Variants in TMEM114 observed in about 807,000 individuals in gnomAD.
TMEM114 encodes claudin-26.
TMEM114 carries 6 observed loss-of-function variants against 6.2 expected under a neutral mutation model. The observed-to-expected ratio is 0.97, with a 90% CI of 0.53 to 1.91. The LOEUF (loss-of-function observed/expected upper bound fraction) is 1.91. Among genes scored for constraint, TMEM114 ranks in the 40% most tolerant of loss-of-function variants. The pLI is 0.01. For missense variants in TMEM114, 218 were observed against 158.3 expected (o/e 1.38, Z -2.02); for synonymous variants, 104 against 73.0 (o/e 1.42, Z -2.16).
At chr16:8,559,359 C>G (rs565166187) in intron 2 of TMEM114, among the ~76,000 whole-genome samples, 4 of 152,286 alleles carry the variant, frequency 2.6e-5, no homozygotes, top group African/African-American at 7.2e-5. Context: ...CCACCCAGTT[C>G]TGAGACTAGC....
downstream of TMEM114, among the ~76,000 whole-genome samples, chr16:8,566,708 C>G (rs1477846195): frequency 1.3e-5 from 2 of 152,290 alleles, no homozygotes; most frequent in Admixed American, 6.5e-5. Flanking sequence ...TCTTCATTTC[C>G]CTCTAACACA....
intron 2 of TMEM114, among the ~76,000 whole-genome samples, chr16:8,545,372 G>A (rs867110187): frequency 6.6e-6 from 1 of 151,888 alleles, no homozygotes; most frequent in Non-Finnish European, 1.5e-5. Context: ...GGAGGTTGAG[G>A]TTGCAGTGAG....
intron 2 of TMEM114, among the ~76,000 whole-genome samples, chr16:8,543,469 TCATGCAATGGTGCACCTTGCAC>T (rs1192680845): frequency 1.8e-5 from 2 of 110,756 alleles, no homozygotes; most frequent in Non-Finnish European, 3.8e-5. Flanking sequence ...GCACCTTGCA[TCATGCAATGGTGCACCTTGCAC>T]CATGCTTCAT....
At chr16:8,535,740 A>G (rs1380349826), downstream of TMEM114, among the ~76,000 whole-genome samples, 2 of 152,182 alleles carry the variant, frequency 1.3e-5, no homozygotes. Context: ...TCATCAAGTC[A>G]AATAAAGGTG....
intron 2 of TMEM114, among the ~76,000 whole-genome samples, chr16:8,577,811 T>G (rs981740635): frequency 2.0e-5 from 3 of 152,148 alleles, no homozygotes; most frequent in Non-Finnish European, 2.9e-5. Context: ...GCTCTTGAAC[T>G]CCTGACCTCA....
the TMEM114 span, chr16:8,531,808 GT>G: frequency 6.6e-6 from 1 of 152,224 alleles, no homozygotes; most frequent in Non-Finnish European, 1.5e-5. Context: ...TGAATAGTCT[GT>G]GAAGCACTCA....
intron 2 of TMEM114, among the ~76,000 whole-genome samples, chr16:8,559,686 C>T (rs1222292646): frequency 6.6e-6 from 1 of 152,154 alleles, no homozygotes; most frequent in African/African-American, 2.4e-5. Context: ...GTGGGACAGA[C>T]GTCGATGTTC....
chr16:8,532,444 G>C, the TMEM114 span, among the ~76,000 whole-genome samples: 79 of 152,162 alleles, frequency 5.2e-4, 1 homozygote, highest in African/African-American at 1.9e-3. Context: ...GATCGAAATT[G>C]GACACCAGTC....
chr16:8,526,917 T>C, the TMEM114 span, among the ~76,000 whole-genome samples: 4 of 152,186 alleles, frequency 2.6e-5, no homozygotes, highest in African/African-American at 9.7e-5. Flanking sequence ...CATGAAAACA[T>C]GCTGAGTAGG....
chr16:8,537,634 G>T (rs987679753), exon 3 of TMEM114: 2 of 152,074 alleles, frequency 1.3e-5, no homozygotes, highest in Non-Finnish European at 2.9e-5. Flanking sequence ...TATATGTATA[G>T]ATTCTATTTT....
At chr16:8,584,161 G>C (rs574687930) in intron 2 of TMEM114, among the ~76,000 whole-genome samples, 36 of 152,346 alleles carry the variant, frequency 2.4e-4, no homozygotes, top group African/African-American at 8.4e-4. Flanking sequence ...CCAAAAAGAA[G>C]AGGAAAGAAA....
Position 8,539,403 on chromosome 16 carries a change from G to A in TMEM114, n.213-1577C>T, listed in dbSNP as rs140848301. ...ATACTTGCCCCTGGCCCGAGTGACT[G>A]CTCCAGCTCCGCAAAGCCTCCTTCT... On this transcript the variant is annotated intron_variant and non_coding_transcript_variant, in intron 2 of 2. Transcript: ENST00000623677. Among the ~76,000 whole-genome samples, 98 of 152,286 alleles carry A rather than the reference G, an allele frequency of 6.4e-4. 1 individual carries two copies. Among genetic ancestry groups the A allele is most frequent in the Admixed American group, 2.5e-3 (38 of 15,304 alleles).
chr16:8,579,260 G>C (rs1902051002), intron 2 of TMEM114, among the ~76,000 whole-genome samples: 1 of 152,174 alleles, frequency 6.6e-6, no homozygotes, highest in Admixed American at 6.5e-5. Context: ...CTCTTACGCA[G>C]AGCAGGGGAT....
intron 2 of TMEM114, among the ~76,000 whole-genome samples, chr16:8,562,117 T>A (rs1901248063): frequency 6.6e-6 from 1 of 150,766 alleles, no homozygotes; most frequent in South Asian, 2.1e-4. Context: ...AGCGAATAAG[T>A]AAGTGAATGA....
At chr16:8,586,503 A>C (rs1596315667) in intron 2 of TMEM114, among the ~76,000 whole-genome samples, 1 of 150,894 alleles carries the variant, frequency 6.6e-6, no homozygotes, top group East Asian at 1.9e-4. Flanking sequence ...CGGAATTCTT[A>C]TCATTCTTTT....
At chr16:8,562,526 T>TGAGTGAGTGAGTGAATGAGTGAGTGAATG (rs1465142445) in intron 2 of TMEM114, among the ~76,000 whole-genome samples, 6 of 127,142 alleles carry the variant, frequency 4.7e-5, no homozygotes, top group Admixed American at 4.6e-4. Flanking sequence ...ATGAGTGAGT[T>TGAGTGAGTGAGTGAATGAGTGAGTGAATG]AATGAGTGAG....
rs139661070 is a variant in TMEM114 at position 8,559,203 on chromosome 16, C to A, written n.213-21377G>T. ...GACTATACGCATGCGCCACTACGCC[C>A]GGATAATTTTTGTATTTTTAGCAGA... is the stretch of plus-strand genomic sequence containing the variant. On this transcript the variant is annotated intron_variant and non_coding_transcript_variant, in intron 2 of 2. Transcript: ENST00000623677. 3.9e-4 allele frequency among the ~76,000 whole-genome samples: 59 copies of A among 151,370 alleles called. 1 individual carries two copies. Among genetic ancestry groups the A allele is most frequent in the Admixed American group, 2.5e-3 (38 of 15,168 alleles).
chr16:8,554,999 C>T (rs1319228244), intron 2 of TMEM114, among the ~76,000 whole-genome samples: 1 of 152,208 alleles, frequency 6.6e-6, no homozygotes, highest in Non-Finnish European at 1.5e-5. Context: ...GGCTGGAAGT[C>T]AGAAGGTGAG....
rs192048257 is a variant in TMEM114 at position 8,550,170 on chromosome 16, G to C, written n.213-12344C>G. Among the ~76,000 whole-genome samples, 17 of 152,306 alleles carry C rather than the reference G, an allele frequency of 1.1e-4. No homozygotes were observed. In the East Asian group the frequency reaches 2.3e-3, roughly 21 times the overall value. On this transcript the variant is annotated intron_variant and non_coding_transcript_variant, in intron 2 of 2. Coordinates refer to the TMEM114 transcript ENST00000623677. The stretch of plus-strand genomic sequence containing the variant: ...CATCTTCTGCCTGCTTTTTCTAGCC[G>C]TGCTGGCAGCTAATTGGATGGTGTT...
Sources: gnomAD v4.1 joint callset for allele counts (sites outside exome capture counted in the v4.1 genomes callset) on GRCh38, gnomAD v4.1.1 for gene constraint, MANE v1.5 for transcripts, NCBI Gene and HGNC (gene_info 2026-07-23, HGNC 2026-07-21) for gene names.